TOGARAM1: variants seen among roughly 807,000 people sequenced by gnomAD.
TOGARAM1 encodes the protein TOG array regulator of axonemal microtubules protein 1.
Under a neutral mutation model 166.6 loss-of-function variants are expected in TOGARAM1, and 100 were observed. That is an observed-to-expected ratio of 0.60 (90% CI 0.51 to 0.71). TOGARAM1 has a LOEUF of 0.71. Ranked by LOEUF, TOGARAM1 falls within the 30% of genes least tolerant of loss-of-function variation. TOGARAM1 has a pLI of 0.00. For missense variants in TOGARAM1, 2,029 were observed against 2,102.7 expected (o/e 0.96, Z 0.69); for synonymous variants, 758 against 763.8 (o/e 0.99, Z 0.13).
intron 1 of TOGARAM1, 64 bp from the exon 2 acceptor site, chr14:44,995,682 T>C: frequency 8.7e-7 from 1 of 1,152,068 alleles, no homozygotes; most frequent in East Asian, 2.5e-5. Flanking sequence ...CTAAGTTATT[T>C]TGTCATATTT....
chr14:45,022,344 T>A (rs942164307), intron 7 of TOGARAM1, among the ~76,000 whole-genome samples: 7 of 150,032 alleles, frequency 4.7e-5, no homozygotes, highest in Non-Finnish European at 1.0e-4. Context: ...TTTGGGTATG[T>A]GGGTAAAATC....
chr14:45,071,685 ATG>A, intron 18 of TOGARAM1, 25 bp from the exon 19 acceptor site: 1 of 1,518,620 alleles, frequency 6.6e-7, no homozygotes, highest in Non-Finnish European at 9.1e-7. Flanking sequence ...CTCTTTAAAC[ATG>A]TGTCTCTGTG....
intron 11 of TOGARAM1, among the ~76,000 whole-genome samples, chr14:45,038,311 C>T (rs748478459): frequency 3.3e-5 from 5 of 152,352 alleles, no homozygotes; most frequent in Middle Eastern, 3.4e-3. Flanking sequence ...TTTGCTCAGG[C>T]CCACTTGGGC....
intron 1 of TOGARAM1, among the ~76,000 whole-genome samples, chr14:44,970,991 G>A (rs1214451295): frequency 1.3e-5 from 2 of 151,994 alleles, no homozygotes; most frequent in Admixed American, 6.6e-5. Context: ...ATTGGTCTGT[G>A]GGGTTTTTGT....
intron 16 of TOGARAM1, among the ~76,000 whole-genome samples, chr14:45,062,815 T>C (rs1328011182): frequency 2.6e-5 from 4 of 152,222 alleles, no homozygotes; most frequent in African/African-American, 9.6e-5. Context: ...TAAAATATTT[T>C]CAACATACAG....
rs555217689 is a variant in TOGARAM1, at chr14:45,073,646, G to A, written c.*85G>A. On this transcript the variant is annotated 3_prime_UTR_variant, in exon 20 of 20. Coordinates refer to ENST00000361462, the MANE Select transcript of TOGARAM1 (RefSeq NM_001308120.2). ...TCTAAAAGTTATGTTATCAGTGCCT[G>A]CACTTCACATCCAGCAAATTAAGTC... The A allele has an allele frequency of 2.7e-4, 345 of 1,278,540 alleles. 2 individuals carry two copies. In the South Asian group the frequency reaches 4.8e-3, roughly 18 times the overall value. 79.2% of individuals were successfully genotyped at this position (1,278,540 alleles called of 1,614,324 possible). A position where few individuals can be genotyped will look rare whatever the true frequency, so the allele number is the denominator to read the frequency against.
At chr14:45,066,349 T>C (rs1326100434) in intron 16 of TOGARAM1, among the ~76,000 whole-genome samples, 1 of 152,048 alleles carries the variant, frequency 6.6e-6, no homozygotes, top group Non-Finnish European at 1.5e-5. Context: ...ATTTTAGCCA[T>C]GAGTAAAAGT....
At chr14:45,015,762 A>G (rs143948495) in intron 7 of TOGARAM1, among the ~76,000 whole-genome samples, 22 of 152,262 alleles carry the variant, frequency 1.4e-4, no homozygotes, top group Non-Finnish European at 2.8e-4. Flanking sequence ...CAGCAGTTTG[A>G]GTGGCAGTGC....
chr14:45,021,730 G>A lies in TOGARAM1; in HGVS notation c.3239-4053G>A, dbSNP rs575908091. Among the ~76,000 whole-genome samples, 6 of 152,310 alleles carry A rather than the reference G, an allele frequency of 3.9e-5. No individual in the cohort carries two copies. The East Asian group carries it at 1.2e-3, about 29-fold the overall frequency. ...TAGCGTCCTTCCCAGGATGTATCTA[G>A]GGATGGGGAATCAGAAGGAAGGGGC... On this transcript the variant is annotated intron_variant, in intron 7 of 19. Coordinates refer to ENST00000361462, the MANE Select transcript of TOGARAM1 (RefSeq NM_001308120.2).
At chr14:45,034,872 A>G (rs1197560386) in intron 11 of TOGARAM1, among the ~76,000 whole-genome samples, 2 of 152,218 alleles carry the variant, frequency 1.3e-5, no homozygotes, top group African/African-American at 4.8e-5. Context: ...ACCAATAGTG[A>G]GAAGAAAAAA....
At chr14:44,971,248 T>A (rs1885869675) in intron 1 of TOGARAM1, among the ~76,000 whole-genome samples, 1 of 152,190 alleles carries the variant, frequency 6.6e-6, no homozygotes, top group East Asian at 1.9e-4. Flanking sequence ...ACAGGCCTAG[T>A]CAGATTATCC....
chr14:44,979,787 A>G (rs933981249), intron 1 of TOGARAM1, among the ~76,000 whole-genome samples: 9 of 152,180 alleles, frequency 5.9e-5, no homozygotes, highest in Admixed American at 4.6e-4. Flanking sequence ...GGAAATTAGC[A>G]GAGAGTTCCT....
At chr14:45,004,429 T>C in intron 4 of TOGARAM1, 63 bp downstream of exon 4, 1 of 1,312,316 alleles carries the variant, frequency 7.6e-7, no homozygotes, top group Non-Finnish European at 1.1e-6. Flanking sequence ...AGTTAATGCA[T>C]AGGGCTGTTA....
In TOGARAM1 at chr14:45,074,098, G is replaced by C. The variant is rs570227878; in HGVS notation, c.*537G>C. On this transcript the variant is annotated 3_prime_UTR_variant, in exon 20 of 20. Transcript: ENST00000361462. ...GCTGCTGTGTTAATGTCATATATTT[G>C]CTTACCTTTTGGGTTCAATTATCTA... 21 of 152,648 alleles carry C rather than the reference G, an allele frequency of 1.4e-4. No individual in the cohort carries two copies. The highest frequency in any genetic ancestry group is 5.1e-4 in the African/African-American group (21 of 41,514). 9.5% of individuals were successfully genotyped at this position (152,648 alleles called of 1,614,324 possible).
chr14:45,066,852 G>C, intron 17 of TOGARAM1, 85 bp downstream of exon 17: 4 of 1,139,784 alleles, frequency 3.5e-6, no homozygotes, highest in Non-Finnish European at 4.9e-6. Context: ...AAGGTAGAAG[G>C]ATCTCTTGAG....
intron 1 of TOGARAM1, among the ~76,000 whole-genome samples, chr14:44,993,211 T>C (rs1013068396): frequency 1.3e-5 from 2 of 151,852 alleles, no homozygotes; most frequent in African/African-American, 4.8e-5. Context: ...TCACCTGAGA[T>C]GGGGAAGGTC....
At position 45,073,846 on chromosome 14, in the gene TOGARAM1, C is replaced by T; in HGVS notation, c.*285C>T. The T allele has an allele frequency of 4.1e-6, 1 of 244,196 alleles. No individual in the cohort carries two copies. Among genetic ancestry groups the T allele is most frequent in the Middle Eastern group, 1.4e-3 (1 of 728 alleles). The allele number at this position is 244,196 out of a possible 1,614,324, so 15.1% of individuals were successfully genotyped here. On this transcript the variant is annotated 3_prime_UTR_variant, in exon 20 of 20. Transcript: ENST00000361462. ...AAAAGTCCTGCTCATTTGCACTATTCTATAGAAACTACAATTTGTTGCCCT... is the reference window on the plus strand; with the variant it reads ...AAAAGTCCTGCTCATTTGCACTATTTTATAGAAACTACAATTTGTTGCCCT...
intron 12 of TOGARAM1, 138 bp from the exon 13 acceptor site, chr14:45,044,497 T>C (rs1292861599): frequency 1.1e-5 from 7 of 624,050 alleles, no homozygotes; most frequent in African/African-American, 3.7e-5. Flanking sequence ...GCCGAAATCA[T>C]GCTACTGCAC....
intron 7 of TOGARAM1, among the ~76,000 whole-genome samples, chr14:45,022,750 T>A (rs1594665584): frequency 6.6e-6 from 1 of 151,854 alleles, no homozygotes; most frequent in Non-Finnish European, 1.5e-5. Flanking sequence ...TAATGGAGGG[T>A]CCTGTCTTGC....
Sources: allele counts gnomAD v4.1 joint callset (sites outside exome capture counted in the v4.1 genomes callset), GRCh38; gene constraint gnomAD v4.1.1; transcripts MANE v1.5; gene names NCBI Gene and HGNC (gene_info 2026-07-23, HGNC 2026-07-21).